Variants in SPECC1L observed in about 807,000 individuals in gnomAD.
SPECC1L encodes cytospin-A.
Under a neutral mutation model 116.8 loss-of-function variants are expected in SPECC1L, and 40 were observed. The ratio of observed to expected loss-of-function variants is 0.34; its 90% CI spans 0.27 to 0.45. SPECC1L has a LOEUF of 0.45. Ranked by LOEUF, SPECC1L falls within the 20% of genes least tolerant of loss-of-function variation. SPECC1L has a pLI of 1.00. For missense variants in SPECC1L, 1,110 were observed against 1,373.6 expected (o/e 0.81, Z 3.03); for synonymous variants, 504 against 500.6 (o/e 1.01, Z -0.09).
rs200192785 is a variant in SPECC1L at position 24,321,249 on chromosome 22, T to A, written c.308-39T>A. The A allele has an allele frequency of 6.4e-4, 1,024 of 1,609,940 alleles. 1 individual carries two copies. Among genetic ancestry groups the A allele is most frequent in the Non-Finnish European group, 8.5e-4 (998 of 1,179,718 alleles). On this transcript the variant is annotated intron_variant, in intron 4 of 16. Coordinates refer to ENST00000314328, the MANE Select transcript of SPECC1L (RefSeq NM_015330.6). ...TGTATTCTATGTAGCCTTTTATTGC[T>A]GACATTTTTGCCTTACATTTTTTGT...
chr22:24,349,352 C>T (rs1056403713), intron 11 of SPECC1L, among the ~76,000 whole-genome samples: 3 of 152,178 alleles, frequency 2.0e-5, no homozygotes, highest in Non-Finnish European at 4.4e-5. Context: ...TGGCTTTTCT[C>T]TTCTTCCTGA....
chr22:24,350,562 C>A (rs2041401072), intron 11 of SPECC1L, among the ~76,000 whole-genome samples: 1 of 152,154 alleles, frequency 6.6e-6, no homozygotes, highest in Non-Finnish European at 1.5e-5. Flanking sequence ...CATTGGCCCA[C>A]AAGTCAAAGA....
At chr22:24,303,208 G>A (rs2049417407) in intron 3 of SPECC1L, among the ~76,000 whole-genome samples, 1 of 152,134 alleles carries the variant, frequency 6.6e-6, no homozygotes, top group Non-Finnish European at 1.5e-5. Flanking sequence ...CAGCCGATGA[G>A]GAACTTCCTT....
At chr22:24,307,815 A>G (rs1180887155) in intron 3 of SPECC1L, among the ~76,000 whole-genome samples, 1 of 150,694 alleles carries the variant, frequency 6.6e-6, no homozygotes, top group Non-Finnish European at 1.5e-5. Context: ...TTGGGATTAC[A>G]GGTGTGAGCC....
intron 6 of SPECC1L, among the ~76,000 whole-genome samples, chr22:24,325,376 C>T (rs2040797781): frequency 6.6e-6 from 1 of 152,046 alleles, no homozygotes; most frequent in Non-Finnish European, 1.5e-5. Flanking sequence ...AGCACAAATT[C>T]CTTTGTTTCC....
intron 14 of SPECC1L, among the ~76,000 whole-genome samples, chr22:24,392,957 C>T (rs921991793): frequency 1.3e-5 from 2 of 152,172 alleles, no homozygotes; most frequent in African/African-American, 2.4e-5. Flanking sequence ...ATTTGGTCTG[C>T]GCTTCCTCAA....
At chr22:24,331,875 A>T (rs560811948) in intron 8 of SPECC1L, among the ~76,000 whole-genome samples, 1 of 152,290 alleles carries the variant, frequency 6.6e-6, no homozygotes, top group East Asian at 1.9e-4. Context: ...TTGGTAAAAC[A>T]TTAAATTATT....
chr22:24,280,928 G>A lies in SPECC1L; in HGVS notation c.-38+4125G>A, dbSNP rs141620037. On this transcript the variant is annotated intron_variant, in intron 2 of 16. Transcript: ENST00000314328. ...TTTTTTCCCCCAACCATTTAAAAATGCAAAACATTCTTAGTTTTTGGGCTG... is the reference window on the plus strand; with the variant it reads ...TTTTTTCCCCCAACCATTTAAAAATACAAAACATTCTTAGTTTTTGGGCTG... Among the ~76,000 whole-genome samples the A allele has an allele frequency of 3.6e-3, 543 of 152,170 alleles. 4 individuals are homozygous for A. Among genetic ancestry groups the A allele is most frequent in the Non-Finnish European group, 4.2e-3 (287 of 67,998 alleles).
At chr22:24,338,352 A>G (rs200992480) in intron 9 of SPECC1L, 34 bp from the exon 10 acceptor site, 4 of 1,604,222 alleles carry the variant, frequency 2.5e-6, no homozygotes, top group Non-Finnish European at 3.4e-6. Context: ...CTGTACAGTG[A>G]CATTATTTCC....
intron 14 of SPECC1L, among the ~76,000 whole-genome samples, chr22:24,373,791 A>G (rs1477260991): frequency 2.6e-5 from 4 of 152,214 alleles, no homozygotes; most frequent in Non-Finnish European, 4.4e-5. Context: ...TAATTAAACT[A>G]AAGAGCTTCT....
intron 4 of SPECC1L, among the ~76,000 whole-genome samples, chr22:24,315,078 G>A (rs2040534835): frequency 6.6e-6 from 1 of 152,196 alleles, no homozygotes; most frequent in African/African-American, 2.4e-5. Context: ...TTGTAATAAA[G>A]CTTATGAAGG....
At chr22:24,382,815 G>T (rs1278889926) in intron 14 of SPECC1L, among the ~76,000 whole-genome samples, 1 of 151,596 alleles carries the variant, frequency 6.6e-6, no homozygotes, top group Non-Finnish European at 1.5e-5. Context: ...GAGCCCAGCA[G>T]TTCGAGGTTA....
At chr22:24,395,478 G>A (rs1005457011) in intron 14 of SPECC1L, among the ~76,000 whole-genome samples, 1 of 152,192 alleles carries the variant, frequency 6.6e-6, no homozygotes, top group Non-Finnish European at 1.5e-5. Flanking sequence ...AAGAGGACAT[G>A]TCTTCTCCAA....
chr22:24,365,910 G>A (rs1457815198), intron 13 of SPECC1L, among the ~76,000 whole-genome samples: 2 of 149,488 alleles, frequency 1.3e-5, no homozygotes, highest in Admixed American at 6.7e-5. Flanking sequence ...TTTAAATACC[G>A]AGGAATGGGT....
intron 11 of SPECC1L, among the ~76,000 whole-genome samples, chr22:24,358,493 A>G (rs959075604): frequency 6.6e-6 from 1 of 152,190 alleles, no homozygotes; most frequent in Non-Finnish European, 1.5e-5. Flanking sequence ...TCAGACTCCA[A>G]ACCCTCCCTG....
chr22:24,379,884 G>A lies in SPECC1L; in HGVS notation c.3087+10564G>A, dbSNP rs140552136. Among the ~76,000 whole-genome samples, 379 of 152,166 alleles carry A rather than the reference G, an allele frequency of 2.5e-3. 1 individual carries two copies. Among genetic ancestry groups the A allele is most frequent in the African/African-American group, 8.3e-3 (344 of 41,500 alleles). Reference sequence around the variant, plus strand: ...CATAATCTTTTGTTTTTGTTTTTGAGACAGAATCTCACTCTGTCACCCAGG... The same window carrying A: ...CATAATCTTTTGTTTTTGTTTTTGAAACAGAATCTCACTCTGTCACCCAGG... On this transcript the variant is annotated intron_variant, in intron 14 of 16. Transcript: ENST00000314328.
At position 24,322,682 on chromosome 22, in the gene SPECC1L, A is replaced by G; in HGVS notation, c.1702A>G (p.Thr568Ala). The G allele has an allele frequency of 6.2e-7, 1 of 1,609,318 alleles. No individual in the cohort carries two copies. The highest frequency in any genetic ancestry group is 8.5e-7 in the Non-Finnish European group (1 of 1,178,128). The change falls in exon 5 of 17, where the codon ACA (threonine) becomes GCA (alanine). Residue 568 changes from threonine to alanine, a missense_variant. Thr to Ala is a moderately conservative substitution (Grantham distance 58). Coordinates refer to ENST00000314328, the MANE Select transcript of SPECC1L (RefSeq NM_015330.6). ...LAATLEEYKA[T>A]VASDQIEMNR... is the part of the protein sequence containing the mutation. The stretch of plus-strand genomic sequence containing the variant: ...AGCCACGTTAGAGGAATACAAAGCC[A>G]CAGTGGCCAGTGACCAGATAGAGAT...
At chr22:24,374,314 C>T (rs568964444) in intron 14 of SPECC1L, among the ~76,000 whole-genome samples, 2 of 151,994 alleles carry the variant, frequency 1.3e-5, no homozygotes, top group Non-Finnish European at 2.9e-5. Flanking sequence ...TATAAAGACA[C>T]ATGCACACGT....
rs2040748523 is a variant in SPECC1L, at chr22:24,322,903, G to A, written c.1923G>A (p.Gln641=). The A allele has an allele frequency of 1.2e-6, 2 of 1,613,926 alleles. No individual in the cohort carries two copies. Among genetic ancestry groups the A allele is most frequent in the Non-Finnish European group, 1.7e-6 (2 of 1,179,872 alleles). ...CCCGAAATGATGCCAATCGATTACAGGATGCCATTGCTAAGGTATTGTTTA... is the reference window on the plus strand; with the variant it reads ...CCCGAAATGATGCCAATCGATTACAAGATGCCATTGCTAAGGTATTGTTTA... ...AHTRNDANRL[Q]DAIAKVEDEY... The change falls in exon 5 of 17, where the codon CAG becomes CAA. Residue 641 remains glutamine (Q), a synonymous_variant. Coordinates refer to ENST00000314328, the MANE Select transcript of SPECC1L (RefSeq NM_015330.6).
Sources: allele counts gnomAD v4.1 joint callset (sites outside exome capture counted in the v4.1 genomes callset), GRCh38; gene constraint gnomAD v4.1.1; transcripts MANE v1.5; gene names NCBI Gene and HGNC (gene_info 2026-07-23, HGNC 2026-07-21).